GCLM: variants seen among roughly 807,000 people sequenced by gnomAD.
The protein encoded by GCLM is glutamate-cysteine ligase modifier subunit, also known as glutamate--cysteine ligase regulatory subunit.
GCLM carries 15 observed loss-of-function variants against 36.0 expected under a neutral mutation model. That is an observed-to-expected ratio of 0.42 (90% CI 0.28 to 0.64). The LOEUF (loss-of-function observed/expected upper bound fraction) is 0.64. GCLM is among the 30% of genes least tolerant of loss of function. The probability of loss-of-function intolerance (pLI) is 0.25; values close to 1 mark genes in which losing one functional copy is unlikely to be tolerated. For synonymous variants in GCLM, 129 were observed against 122.8 expected, an observed-to-expected ratio of 1.05 and a Z score of -0.34; for missense variants, 242 against 325.5, an observed-to-expected ratio of 0.74 and a Z score of 1.97.
intron 6 of GCLM, among the ~76,000 whole-genome samples, chr1:93,890,704 T>C: frequency 6.6e-6 from 1 of 152,104 alleles, no homozygotes; most frequent in African/African-American, 2.4e-5. Flanking sequence ...ATGCAGATGA[T>C]GAACATTTTA....
At chr1:93,897,997 C>A in intron 3 of GCLM, 99 bp from the exon 4 acceptor site, 1 of 501,740 alleles carries the variant, frequency 2.0e-6, no homozygotes, top group South Asian at 4.7e-5. Flanking sequence ...GTCAGATAAT[C>A]CTGAATGAAT....
At position 93,901,632 on chromosome 1, in the gene GCLM, G is replaced by A; in HGVS notation, c.230C>T (p.Ala77Val). ...PDVLECTVSH[A>V]VEKINPDERE... Reference sequence around the variant, plus strand: ...TTCATCAGGATTTATCTTTTCTACTGCATGAGATACAGTGCATTCCAAGAC... The same window carrying A: ...TTCATCAGGATTTATCTTTTCTACTACATGAGATACAGTGCATTCCAAGAC... The change falls in exon 3 of 7, where the codon GCA becomes GTA. Residue 77 changes from alanine to valine, a missense_variant. Physicochemically the swap from Ala to Val is moderately conservative, Grantham distance 64. Transcript: ENST00000370238. The A allele has an allele frequency of 6.3e-7, 1 of 1,579,482 alleles. No homozygotes were observed. The highest frequency in any genetic ancestry group is 8.7e-7 in the Non-Finnish European group (1 of 1,150,162).
At chr1:93,897,768 C>T (rs1293958401) in intron 4 of GCLM, 71 bp downstream of exon 4, 2 of 759,082 alleles carry the variant, frequency 2.6e-6, no homozygotes, top group African/African-American at 1.8e-5. Context: ...GACCTAAGCA[C>T]AAGTTATAAC....
chr1:93,901,706 T>A, intron 2 of GCLM, 37 bp from the exon 3 acceptor site: 2 of 1,041,684 alleles, frequency 1.9e-6, no homozygotes, highest in Non-Finnish European at 2.9e-6. Context: ...AATATAAAAT[T>A]TAATGCTTCT....
intron 1 of GCLM, among the ~76,000 whole-genome samples, chr1:93,907,045 C>A (rs1041468468): frequency 6.6e-6 from 1 of 152,166 alleles, no homozygotes; most frequent in East Asian, 1.9e-4. Flanking sequence ...TGACCCAACA[C>A]GTACATTTTC....
rs1482528300 is a variant in GCLM at position 93,885,449 on chromosome 1, A to C, written c.*3541T>G. 1 of 152,220 alleles carries C rather than the reference A, an allele frequency of 6.6e-6. No individual in the cohort carries two copies. The highest frequency in any genetic ancestry group is 1.5e-5 in the Non-Finnish European group (1 of 68,028). The allele number at this position is 152,220 out of a possible 1,614,324, so 9.4% of individuals were successfully genotyped here. A position where few individuals can be genotyped will look rare whatever the true frequency, so the allele number is the denominator to read the frequency against. On this transcript the variant is annotated 3_prime_UTR_variant, in exon 7 of 7. Transcript: ENST00000370238. ...CTACAGACACATAAAAAGTTGACTT[A>C]TCTAATTAAAACATTTTCCCTTCCT...
At chr1:93,904,066 ATG>A (rs979174823) in intron 2 of GCLM, among the ~76,000 whole-genome samples, 2 of 152,184 alleles carry the variant, frequency 1.3e-5, no homozygotes, top group Non-Finnish European at 1.5e-5. Flanking sequence ...GGATTTCAAA[ATG>A]TGTTTTAGGG....
At chr1:93,899,720 A>T (rs992042204) in intron 3 of GCLM, among the ~76,000 whole-genome samples, 1 of 151,814 alleles carries the variant, frequency 6.6e-6, no homozygotes, top group Admixed American at 6.6e-5. Flanking sequence ...GCTATTATTA[A>T]TTTTTTTTTA....
chr1:93,904,596 A>G lies in GCLM; in HGVS notation c.127-8T>C. 6.3e-7 allele frequency: 1 copy of G among 1,587,514 alleles called. No individual in the cohort carries two copies. The highest frequency in any genetic ancestry group is 8.7e-7 in the Non-Finnish European group (1 of 1,155,876). On this transcript the variant is annotated splice_region_variant and splice_polypyrimidine_tract_variant and intron_variant, in intron 1 of 6. Coordinates refer to ENST00000370238, the MANE Select transcript of GCLM (RefSeq NM_002061.4). Reference sequence around the variant, plus strand: ...TTGGATACAATCATGAAGCTGCAAAAGGAATGCATTTTGAAACTGTTAATC... The same window carrying G: ...TTGGATACAATCATGAAGCTGCAAAGGGAATGCATTTTGAAACTGTTAATC...
At chr1:93,892,567 T>C (rs559842264) in intron 6 of GCLM, among the ~76,000 whole-genome samples, 3 of 152,224 alleles carry the variant, frequency 2.0e-5, no homozygotes, top group Admixed American at 6.5e-5. Flanking sequence ...TAATGATAAA[T>C]GCAGGATAAG....
At chr1:93,892,016 AATG>A (rs1656554448) in intron 6 of GCLM, among the ~76,000 whole-genome samples, 1 of 152,166 alleles carries the variant, frequency 6.6e-6, no homozygotes, top group Non-Finnish European at 1.5e-5. Context: ...ATAGAACACA[AATG>A]TCTCCTTGGA....
Position 93,889,123 on chromosome 1 carries a change from T to A in GCLM, c.692A>T (p.Gln231Leu). 2 of 1,586,610 alleles carry A rather than the reference T, an allele frequency of 1.3e-6. No individual in the cohort carries two copies. Among genetic ancestry groups the A allele is most frequent in the Middle Eastern group, 1.7e-4 (1 of 5,968 alleles). Residue 231 changes from glutamine (Q) to leucine (L), a missense_variant, in exon 7 of 7, where the codon CAG becomes CTG. Physicochemically the swap from Gln to Leu is moderately radical, Grantham distance 113. Transcript: ENST00000370238. ...CGCTTGAATGTCAGGAATGCTTTCC[T>A]GAAGAGCTTCTTGGAAACTTGCTTC... Reference protein sequence around the residue: ...LSEASFQEALQESIPDIQAHE... With the variant: ...LSEASFQEALLESIPDIQAHE...
At chr1:93,906,957 A>C (rs1657165314) in intron 1 of GCLM, among the ~76,000 whole-genome samples, 1 of 152,230 alleles carries the variant, frequency 6.6e-6, no homozygotes, top group Non-Finnish European at 1.5e-5. Context: ...AGTGAGACAA[A>C]AAATCTGGGC....
chr1:93,905,823 T>C (rs1657130162), intron 1 of GCLM, among the ~76,000 whole-genome samples: 1 of 152,114 alleles, frequency 6.6e-6, no homozygotes, highest in African/African-American at 2.4e-5. Flanking sequence ...ATATATTAAT[T>C]AGAAAAAATA....
At chr1:93,908,744 G>C (rs1003747580) in intron 1 of GCLM, 1 of 229,322 alleles carries the variant, frequency 4.4e-6, no homozygotes, top group Non-Finnish European at 8.5e-6. Flanking sequence ...CTCCGTGCCA[G>C]GAAGAGGGAC....
intron 6 of GCLM, among the ~76,000 whole-genome samples, chr1:93,889,564 T>C (rs1387325045): frequency 6.6e-6 from 1 of 151,634 alleles, no homozygotes; most frequent in East Asian, 1.9e-4. Flanking sequence ...TTGGTGTATA[T>C]GAGTATATAT....
At chr1:93,896,473 T>C in intron 5 of GCLM, 145 bp downstream of exon 5, 4 of 670,330 alleles carry the variant, frequency 6.0e-6, no homozygotes, top group Non-Finnish European at 1.1e-5. Context: ...GCCTCAAAAC[T>C]CCTGCAGAAA....
chr1:93,909,216 G>A lies in GCLM; in HGVS notation c.-53C>T, dbSNP rs1007874959. 2.4e-4 allele frequency: 271 copies of A among 1,142,740 alleles called. 2 individuals carry two copies. Among genetic ancestry groups the A allele is most frequent in the Non-Finnish European group, 2.7e-4 (248 of 933,610 alleles). The allele number at this position is 1,142,740 out of a possible 1,614,324, so 70.8% of individuals were successfully genotyped here. A position where few individuals can be genotyped will look rare whatever the true frequency, so the allele number is the denominator to read the frequency against. Reference sequence around the variant, plus strand: ...CGAAGGGGCTGCGGGCGGGCGGGCAGGCAGGCGGCCGCCCCACAGGACGCG... The same window carrying A: ...CGAAGGGGCTGCGGGCGGGCGGGCAAGCAGGCGGCCGCCCCACAGGACGCG... On this transcript the variant is annotated 5_prime_UTR_variant, in exon 1 of 7. Transcript: ENST00000370238.
Position 93,909,202 on chromosome 1 carries a change from C to CG in GCLM, c.-40dup, listed in dbSNP as rs1657270101. 6 of 1,162,968 alleles carry CG rather than the reference C, an allele frequency of 5.2e-6. No homozygotes were observed. Among genetic ancestry groups the CG allele is most frequent in the Non-Finnish European group, 6.3e-6 (6 of 945,852 alleles). 72.0% of individuals were successfully genotyped at this position (1,162,968 alleles called of 1,614,324 possible). On this transcript the variant is annotated 5_prime_UTR_variant, in exon 1 of 7. Coordinates refer to ENST00000370238, the MANE Select transcript of GCLM (RefSeq NM_002061.4). ...CAGGGGCCGCGCAGCGAAGGGGCTG[C>CG]GGGCGGGCGGGCAGGCAGGCGGCCG...
Sources: allele counts gnomAD v4.1 joint callset (sites outside exome capture counted in the v4.1 genomes callset), GRCh38; gene constraint gnomAD v4.1.1; transcripts MANE v1.5; gene names NCBI Gene and HGNC (gene_info 2026-07-23, HGNC 2026-07-21).